Variants in DNMT3L observed in about 807,000 individuals in gnomAD.
The protein encoded by DNMT3L is DNA methyltransferase 3 like, also known as DNA (cytosine-5)-methyltransferase 3-like.
In DNMT3L, 33 loss-of-function variants were observed where a neutral mutation model predicts 36.2. The ratio of observed to expected loss-of-function variants is 0.91; its 90% CI spans 0.69 to 1.22. DNMT3L has a LOEUF of 1.22. Ranked by LOEUF, DNMT3L falls within the 50% of genes most tolerant of loss-of-function variation. DNMT3L has a pLI of 0.00. For synonymous variants in DNMT3L, 117 were observed against 121.7 expected (o/e 0.96, Z 0.26); for missense variants, 310 against 303.1 (o/e 1.02, Z -0.17).
intron 6 of DNMT3L, among the ~76,000 whole-genome samples, chr21:44,257,680 C>CAAAA (rs60313825): frequency 8.1e-4 from 98 of 120,262 alleles, no homozygotes; most frequent in Non-Finnish European, 1.3e-3. Context: ...GACTCCGTCT[C>CAAAA]AAAAAAAAAA....
At chr21:44,257,115 C>A (rs181784115) in intron 6 of DNMT3L, among the ~76,000 whole-genome samples, 5 of 152,218 alleles carry the variant, frequency 3.3e-5, no homozygotes, top group African/African-American at 9.6e-5. Flanking sequence ...CCCGGTGGCT[C>A]ATGCCTGTCA....
chr21:44,260,858 A>C lies in DNMT3L; in HGVS notation c.107-19T>G. Reference sequence around the variant, plus strand: ...ATAAGATCTGGAAAGGAAGATAAGAAGTAGCCCCTTTCTTCTTCCTCTGAT... The same window carrying C: ...ATAAGATCTGGAAAGGAAGATAAGACGTAGCCCCTTTCTTCTTCCTCTGAT... On this transcript the variant is annotated intron_variant, in intron 2 of 11. Transcript: ENST00000628202. 6.2e-7 allele frequency: 1 copy of C among 1,612,998 alleles called. No individual in the cohort carries two copies. The highest frequency in any genetic ancestry group is 8.5e-7 in the Non-Finnish European group (1 of 1,179,812).
intron 7 of DNMT3L, among the ~76,000 whole-genome samples, 171 bp from the exon 8 acceptor site, chr21:44,254,876 A>G (rs962127575): frequency 6.6e-6 from 1 of 152,146 alleles, no homozygotes; most frequent in Non-Finnish European, 1.5e-5. Context: ...CCCAGGCTGG[A>G]GCGCAGTGGC....
Position 44,259,671 on chromosome 21 carries a change from C to T in DNMT3L, c.192G>A (p.Gln64=). The change falls in exon 4 of 12, where the codon CAG becomes CAA. Residue 64 remains glutamine, a synonymous_variant. Transcript: ENST00000628202. The part of the protein sequence containing the change: ...ICCGSLQVHT[Q]HPLFEGGICA... ...AGATCCCTCCCTCAAACAGAGGGTG[C>T]TGTGTGTGAACCTGGAGACTTCCGC... is the stretch of plus-strand genomic sequence containing the variant. 1 of 1,612,998 alleles carries T rather than the reference C, an allele frequency of 6.2e-7. No homozygotes were observed. Among genetic ancestry groups the T allele is most frequent in the Non-Finnish European group, 8.5e-7 (1 of 1,179,716 alleles).
intron 6 of DNMT3L, among the ~76,000 whole-genome samples, chr21:44,257,805 C>T (rs955648486): frequency 3.9e-5 from 6 of 152,220 alleles, no homozygotes; most frequent in Non-Finnish European, 8.8e-5. Flanking sequence ...GAAGGTGTGC[C>T]GGCAGGCGTG....
At chr21:44,261,370 T>A in intron 1 of DNMT3L, 104 bp from the exon 2 acceptor site, 2 of 1,101,540 alleles carry the variant, frequency 1.8e-6, no homozygotes, top group Non-Finnish European at 2.6e-6. Flanking sequence ...AGACCTTGAC[T>A]AGTTCAGGCC....
At chr21:44,254,983 G>A (rs1375049054) in intron 7 of DNMT3L, among the ~76,000 whole-genome samples, 2 of 151,982 alleles carry the variant, frequency 1.3e-5, no homozygotes, top group Non-Finnish European at 2.9e-5. Context: ...GTGCCACCAC[G>A]CCCGGCTAAT....
chr21:44,254,748 A>T, intron 7 of DNMT3L, 43 bp from the exon 8 acceptor site: 1 of 1,606,318 alleles, frequency 6.2e-7, no homozygotes, highest in South Asian at 1.1e-5. Flanking sequence ...GTGAGCGTGG[A>T]TTGTGCCCCT....
In DNMT3L at chr21:44,260,754, C is replaced by G. The variant is rs55984489; in HGVS notation, c.151+41G>C. The G allele has an allele frequency of 2.1e-4, 342 of 1,612,568 alleles. No individual in the cohort carries two copies. The East Asian group carries it at 6.8e-3, about 32-fold the overall frequency. On this transcript the variant is annotated intron_variant, in intron 3 of 11. Transcript: ENST00000628202. ...ATTATAGGTGTGAGCCACTGTGCCC[C>G]GTCTCTTTTGTCTGGTGTGGGCCAG...
rs1265373103 is a variant in DNMT3L at position 44,256,105 on chromosome 21, G to A, written c.566C>T (p.Pro189Leu). The change falls in exon 7 of 12, where the codon CCA becomes CTA. Residue 189 changes from proline to leucine, a missense_variant. Coordinates refer to ENST00000628202, the MANE Select transcript of DNMT3L (RefSeq NM_175867.3). ...TTCAAAAAGGGACAGCACCCGGACT[G>A]GCTGTCTCCTCCACACAGGCACGGT... ...FETVPVWRRQ[P>L]VRVLSLFEDI... 11 of 1,613,958 alleles carry A rather than the reference G, an allele frequency of 6.8e-6. No homozygotes were observed. The African/African-American group carries it at 1.1e-4, about 16-fold the overall frequency.
At position 44,258,739 on chromosome 21, in the gene DNMT3L, C is replaced by G; in HGVS notation, c.345-45G>C. 6.3e-7 allele frequency: 1 copy of G among 1,595,446 alleles called. No individual in the cohort carries two copies. Among genetic ancestry groups the G allele is most frequent in the Non-Finnish European group, 8.6e-7 (1 of 1,168,640 alleles). The stretch of plus-strand genomic sequence containing the variant: ...CACAGCAGCGGACATGACAGCCCAC[C>G]TCTCCTGAGGATGGCAGAGGTGGGC... On this transcript the variant is annotated intron_variant, in intron 5 of 11. Transcript: ENST00000628202. The surrounding 1 kb of genome is among the most constrained non-coding windows in gnomAD (Gnocchi z 6.2).
chr21:44,257,738 G>T (rs1322622783), intron 6 of DNMT3L, among the ~76,000 whole-genome samples: 1 of 151,830 alleles, frequency 6.6e-6, no homozygotes, highest in African/African-American at 2.4e-5. Flanking sequence ...CAGACCAGGG[G>T]ACTTGGCACA....
intron 6 of DNMT3L, 103 bp from the exon 7 acceptor site, chr21:44,256,257 C>G (rs1465548536): frequency 1.7e-6 from 2 of 1,187,488 alleles, no homozygotes; most frequent in African/African-American, 1.5e-5. Flanking sequence ...TCACTCGAGA[C>G]TCACCGGAGA....
At chr21:44,254,842 T>C (rs1442907074) in intron 7 of DNMT3L, 137 bp from the exon 8 acceptor site, 10 of 782,030 alleles carry the variant, frequency 1.3e-5, no homozygotes, top group Non-Finnish European at 1.8e-5. Flanking sequence ...TGTTGTTGTT[T>C]TGAGATGGAG....
At chr21:44,259,285 T>G in intron 5 of DNMT3L, 152 bp downstream of exon 5, 1 of 798,232 alleles carries the variant, frequency 1.3e-6, no homozygotes, top group South Asian at 1.7e-5. Context: ...CTCAGGGCTC[T>G]ATGCCAAATG....
Position 44,256,106 on chromosome 21 carries a change from G to A in DNMT3L, c.565C>T (p.Pro189Ser). ...TCAAAAAGGGACAGCACCCGGACTG[G>A]CTGTCTCCTCCACACAGGCACGGTT... The part of the protein sequence containing the change: ...FETVPVWRRQ[P>S]VRVLSLFEDI... Residue 189 changes from proline to serine, a missense_variant, in exon 7 of 12, where the codon CCA becomes TCA. Transcript: ENST00000628202. 6.2e-7 allele frequency: 1 copy of A among 1,613,958 alleles called. No individual in the cohort carries two copies. Among genetic ancestry groups the A allele is most frequent in the Non-Finnish European group, 8.5e-7 (1 of 1,180,014 alleles).
At chr21:44,256,325 C>A (rs886221056) in intron 6 of DNMT3L, among the ~76,000 whole-genome samples, 171 bp from the exon 7 acceptor site, 9 of 152,016 alleles carry the variant, frequency 5.9e-5, no homozygotes, top group African/African-American at 1.9e-4. Context: ...GCACTGCCCC[C>A]CCAGGAAGGC....
intron 3 of DNMT3L, among the ~76,000 whole-genome samples, chr21:44,260,028 G>A (rs1415720508): frequency 7.5e-6 from 1 of 132,760 alleles, no homozygotes; most frequent in East Asian, 2.2e-4. Flanking sequence ...CAGCCTGGGG[G>A]ACAGAGTGAG....
Position 44,258,078 on chromosome 21 carries a change from T to C in DNMT3L, c.516+445A>G, listed in dbSNP as rs531288822. ...AACCCTGTTTCCAAATAAGATCACA[T>C]TCACAGGTAAGGGATGGAGACTTGG... is the stretch of plus-strand genomic sequence containing the variant. On this transcript the variant is annotated intron_variant, in intron 6 of 11. Transcript: ENST00000628202. The surrounding 1 kb of genome is among the most constrained non-coding windows in gnomAD (Gnocchi z 6.2). Among the ~76,000 whole-genome samples, 1 of 152,230 alleles carries C rather than the reference T, an allele frequency of 6.6e-6. No homozygotes were observed. Among genetic ancestry groups the C allele is most frequent in the Non-Finnish European group, 1.5e-5 (1 of 68,032 alleles).
Sources: gnomAD v4.1 joint callset for allele counts (sites outside exome capture counted in the v4.1 genomes callset) on GRCh38, gnomAD v4.1.1 for gene constraint, Gnocchi (gnomAD v3.1) non-coding constraint, MANE v1.5 for transcripts, NCBI Gene and HGNC (gene_info 2026-07-23, HGNC 2026-07-21) for gene names.